DAB1: variants seen among roughly 807,000 people sequenced by gnomAD.
DAB1 encodes DAB adaptor protein 1.
DAB1 carries 15 observed loss-of-function variants against 64.6 expected under a neutral mutation model. The ratio of observed to expected loss-of-function variants is 0.23; its 90% CI spans 0.16 to 0.36. The LOEUF is 0.36. DAB1 is among the 10% of genes least tolerant of loss of function. DAB1 has a pLI of 1.00. For synonymous variants in DAB1, 235 were observed against 251.9 expected, an observed-to-expected ratio of 0.93 and a Z score of 0.64; for missense variants, 596 against 706.7, an observed-to-expected ratio of 0.84 and a Z score of 1.78.
chr1:58,045,226 C>T lies in DAB1; in HGVS notation n.387+105285G>A, dbSNP rs147009879. ...ACAGCAGGTTGGTCAGGGCTGGCAG[C>T]GGGAAGCACTTGCCACTGGGAGGCC... On this transcript the variant is annotated intron_variant and non_coding_transcript_variant, in intron 5 of 20. Coordinates refer to the DAB1 transcript ENST00000485760. Among the ~76,000 whole-genome samples, 1,010 of 152,268 alleles carry T rather than the reference C, an allele frequency of 6.6e-3. 8 individuals are homozygous for T. Among genetic ancestry groups the T allele is most frequent in the Middle Eastern group, 0.027 (8 of 294 alleles).
At chr1:57,193,490 C>A (rs913371097) in intron 2 of DAB1, among the ~76,000 whole-genome samples, 1 of 144,536 alleles carries the variant, frequency 6.9e-6, no homozygotes, top group Non-Finnish European at 1.5e-5. Flanking sequence ...GGGTTCACGC[C>A]ATTCTCCTGC....
At chr1:57,632,480 C>T (rs12129296) in intron 7 of DAB1, among the ~76,000 whole-genome samples, 36,764 of 151,968 alleles carry the variant, frequency 0.24, 4,794 homozygotes, top group Admixed American at 0.34. Flanking sequence ...AGGTGACTAG[C>T]GTGGTAGAGG....
At chr1:57,910,545 C>G (rs1569972573) in intron 5 of DAB1, among the ~76,000 whole-genome samples, 1 of 152,060 alleles carries the variant, frequency 6.6e-6, no homozygotes, top group Non-Finnish European at 1.5e-5. Context: ...GATCTGTAAT[C>G]AACGGAACAC....
intron 5 of DAB1, among the ~76,000 whole-genome samples, chr1:58,013,553 G>T (rs1646699039): frequency 6.6e-6 from 1 of 152,156 alleles, no homozygotes; most frequent in South Asian, 2.1e-4. Context: ...GACACGAGTG[G>T]TCATCCCTAG....
chr1:58,099,562 A>C, intron 5 of DAB1, among the ~76,000 whole-genome samples: 1 of 152,326 alleles, frequency 6.6e-6, no homozygotes, highest in African/African-American at 2.4e-5. Flanking sequence ...TGAGGGCACA[A>C]TACTTAAACA....
intron 3 of DAB1, among the ~76,000 whole-genome samples, chr1:58,391,459 T>C (rs1272814654): frequency 6.6e-6 from 1 of 152,048 alleles, no homozygotes; most frequent in African/African-American, 2.4e-5. Flanking sequence ...GAGAGGAAAA[T>C]ATGTGACTTA....
At chr1:58,137,829 C>T (rs1462411446) in intron 5 of DAB1, among the ~76,000 whole-genome samples, 1 of 152,134 alleles carries the variant, frequency 6.6e-6, no homozygotes, top group African/African-American at 2.4e-5. Flanking sequence ...AGAGAACATA[C>T]AGGTGAGAGG....
At chr1:57,895,863 C>A (rs1032984266) in intron 5 of DAB1, among the ~76,000 whole-genome samples, 3 of 152,124 alleles carry the variant, frequency 2.0e-5, no homozygotes, top group African/African-American at 4.8e-5. Context: ...AGAATTTCAA[C>A]AAAATGTTAT....
intron 9 of DAB1, among the ~76,000 whole-genome samples, chr1:57,045,982 A>G (rs929326060): frequency 3.9e-5 from 6 of 152,200 alleles, no homozygotes; most frequent in African/African-American, 7.2e-5. Flanking sequence ...ATCCTTCACA[A>G]TCAGACTCTA....
chr1:58,068,609 CA>C (rs1338095441), intron 5 of DAB1, among the ~76,000 whole-genome samples: 4 of 151,430 alleles, frequency 2.6e-5, no homozygotes, highest in Admixed American at 6.6e-5. Flanking sequence ...ACTAATAATA[CA>C]AAAAAATTAG....
intron 5 of DAB1, among the ~76,000 whole-genome samples, chr1:58,085,958 C>T (rs1445147792): frequency 3.6e-3 from 354 of 98,714 alleles, no homozygotes; most frequent in Non-Finnish European, 5.4e-3. Context: ...ATCTCTCTCT[C>T]TTTTTTTTTT....
intron 5 of DAB1, among the ~76,000 whole-genome samples, chr1:58,082,744 A>C (rs1219442358): frequency 3.3e-5 from 5 of 152,012 alleles, no homozygotes; most frequent in Non-Finnish European, 7.4e-5. Flanking sequence ...AAAACAGCGC[A>C]TCTCATGCAG....
At chr1:58,348,030 T>C (rs1443763889) in intron 3 of DAB1, among the ~76,000 whole-genome samples, 3 of 152,168 alleles carry the variant, frequency 2.0e-5, no homozygotes, top group Non-Finnish European at 4.4e-5. Flanking sequence ...CATCTCTTTG[T>C]ACCTGCAGCT....
chr1:57,194,301 GGGACAA>G (rs1386848870), intron 2 of DAB1, among the ~76,000 whole-genome samples: 13 of 152,126 alleles, frequency 8.5e-5, no homozygotes, highest in Non-Finnish European at 1.8e-4. Context: ...ACCTGAGTTT[GGGACAA>G]GTCTGTCTGT....
chr1:57,912,802 GACAA>G (rs776819579), intron 5 of DAB1, among the ~76,000 whole-genome samples: 6 of 152,064 alleles, frequency 3.9e-5, no homozygotes, highest in Non-Finnish European at 8.8e-5. Context: ...ACCAATAACA[GACAA>G]ACAGAGAGCC....
intron 6 of DAB1, among the ~76,000 whole-genome samples, chr1:57,770,079 A>G (rs1649490963): frequency 6.6e-6 from 1 of 152,204 alleles, no homozygotes; most frequent in African/African-American, 2.4e-5. Context: ...GGTTAAATAC[A>G]TAAACAAATG....
intron 4 of DAB1, among the ~76,000 whole-genome samples, chr1:57,133,184 A>T (rs994830433): frequency 6.6e-6 from 1 of 152,204 alleles, no homozygotes; most frequent in Non-Finnish European, 1.5e-5. Context: ...GGCAACAAGG[A>T]TGTTGCGACA....
intron 3 of DAB1, among the ~76,000 whole-genome samples, chr1:58,461,081 T>C (rs1645238908): frequency 6.6e-6 from 1 of 152,222 alleles, no homozygotes; most frequent in Non-Finnish European, 1.5e-5. Context: ...GTTATCCCAG[T>C]GGGCTGGGTA....
rs543694268 is a variant in DAB1 at position 58,471,897 on chromosome 1, T to C, written n.257+34163A>G. ...CAGAACCATAAGCCAATTAAATCTG[T>C]TTTCTTTAGAAATTAGTCTCAGGTA... On this transcript the variant is annotated intron_variant and non_coding_transcript_variant, in intron 3 of 20. Transcript: ENST00000485760. 2.0e-5 allele frequency among the ~76,000 whole-genome samples: 3 copies of C among 152,302 alleles called. No homozygotes were observed. The South Asian group carries it at 6.2e-4, about 32-fold the overall frequency.
Sources: allele counts gnomAD v4.1 joint callset (sites outside exome capture counted in the v4.1 genomes callset), GRCh38; gene constraint gnomAD v4.1.1; transcripts MANE v1.5; gene names NCBI Gene and HGNC (gene_info 2026-07-23, HGNC 2026-07-21).